The following FRMD4A variants were observed in gnomAD, a reference collection of about 807,000 sequenced individuals.
FRMD4A encodes the protein FERM domain containing 4A.
FRMD4A carries 29 observed loss-of-function variants against 129.1 expected under a neutral mutation model. The observed-to-expected ratio is 0.22, with a 90% CI of 0.17 to 0.31. The LOEUF (loss-of-function observed/expected upper bound fraction) is 0.31, where lower values mean the gene tolerates loss of function less well. FRMD4A is among the 10% of genes least tolerant of loss of function. FRMD4A has a pLI of 1.00. For missense variants in FRMD4A, 1,272 were observed against 1,375.8 expected (o/e 0.92, Z 1.19); for synonymous variants, 634 against 571.6 (o/e 1.11, Z -1.56).
intron 2 of FRMD4A, among the ~76,000 whole-genome samples, chr10:14,180,995 A>G (rs888178882): frequency 6.6e-6 from 1 of 152,216 alleles, no homozygotes; most frequent in Non-Finnish European, 1.5e-5. Flanking sequence ...TCTCGTCTTT[A>G]TGATCTTTTA....
intron 2 of FRMD4A, among the ~76,000 whole-genome samples, chr10:13,959,471 T>TTA (rs2095432305): frequency 1.9e-5 from 1 of 53,110 alleles, no homozygotes; most frequent in African/African-American, 7.7e-5. Flanking sequence ...GACTGTTTCA[T>TTA]AAAAAAAAAA....
chr10:13,813,374 G>A (rs2093481919), intron 3 of FRMD4A, among the ~76,000 whole-genome samples: 1 of 152,190 alleles, frequency 6.6e-6, no homozygotes, highest in Non-Finnish European at 1.5e-5. Context: ...CTGGGAGGTG[G>A]AGGTTGCAGT....
intron 2 of FRMD4A, among the ~76,000 whole-genome samples, chr10:14,305,457 T>C (rs1225944392): frequency 1.3e-5 from 2 of 152,206 alleles, no homozygotes; most frequent in South Asian, 2.1e-4. Flanking sequence ...ATGTAACATA[T>C]ATTGGAATCT....
At chr10:14,118,799 T>C (rs1349060937) in intron 2 of FRMD4A, among the ~76,000 whole-genome samples, 6 of 152,156 alleles carry the variant, frequency 3.9e-5, no homozygotes, top group South Asian at 2.1e-4. Context: ...TTACCTCCCC[T>C]TGGCCCCACC....
rs79725063 is a variant in FRMD4A, at chr10:13,682,541, C to T, written c.1118-7497G>A. Among the ~76,000 whole-genome samples the T allele has an allele frequency of 9.2e-3, 1,252 of 136,680 alleles. 20 individuals carry two copies. The highest frequency in any genetic ancestry group is 0.032 in the African/African-American group (1,173 of 37,066). 89.7% of individuals were successfully genotyped at this position (136,680 alleles called of 152,430 possible). On this transcript the variant is annotated intron_variant, in intron 15 of 24. Transcript: ENST00000357447. ...TTTGAGACAGAGTCTCGCTTTGTCA[C>T]CAAAGCTGGAGTGCAGTGGCCTGAT...
intron 2 of FRMD4A, among the ~76,000 whole-genome samples, chr10:13,876,528 T>G (rs2094490613): frequency 6.6e-6 from 1 of 152,214 alleles, no homozygotes; most frequent in Non-Finnish European, 1.5e-5. Context: ...ATTCACGTGC[T>G]CAGTAACCAA....
rs548728082 is a variant in FRMD4A, at chr10:14,186,734, G to A, written c.45+143324C>T. Among the ~76,000 whole-genome samples the A allele has an allele frequency of 3.3e-5, 5 of 152,230 alleles. No homozygotes were observed. The East Asian group carries it at 7.7e-4, about 24-fold the overall frequency. On this transcript the variant is annotated intron_variant, in intron 2 of 24. Transcript: ENST00000357447. ...ATCAGCCTCTGAGGATGCAGATGTT[G>A]CGCTCAGCCCCAGGATCCCCAGGAG...
At chr10:13,796,881 G>A (rs576330748) in intron 4 of FRMD4A, among the ~76,000 whole-genome samples, 11 of 151,960 alleles carry the variant, frequency 7.2e-5, no homozygotes, top group Non-Finnish European at 7.4e-5. Flanking sequence ...CACCATGCCC[G>A]GCTAATTTTT....
intron 2 of FRMD4A, among the ~76,000 whole-genome samples, chr10:14,224,983 C>G (rs1219376321): frequency 6.6e-6 from 1 of 152,176 alleles, no homozygotes. Flanking sequence ...TGCCCCCTCT[C>G]ATCATGATGT....
At chr10:14,054,315 A>T (rs1480428663) in intron 2 of FRMD4A, among the ~76,000 whole-genome samples, 1 of 152,016 alleles carries the variant, frequency 6.6e-6, no homozygotes, top group East Asian at 1.9e-4. Context: ...GACCCTGGAG[A>T]GGTCACCTCC....
rs2081967791 is a variant in FRMD4A, at chr10:13,654,476, G to A, written c.2990C>T (p.Ser997Leu). 1.2e-6 allele frequency: 2 copies of A among 1,613,908 alleles called. No homozygotes were observed. Among genetic ancestry groups the A allele is most frequent in the Admixed American group, 1.7e-5 (1 of 60,024 alleles). The change falls in exon 23 of 25, where the codon TCA becomes TTA. Residue 997 changes from serine to leucine, a missense_variant. Physicochemically the swap from Ser to Leu is moderately radical, Grantham distance 145. Coordinates refer to ENST00000357447, the MANE Select transcript of FRMD4A (RefSeq NM_018027.5). ...LPQSQRSSTP[S>L]SEIGATPPSS... ...TGGGGGGGTGGCTCCAATTTCACTT[G>A]ACGGTGTCGAGCTTCTCTGGCTTTG...
At chr10:14,150,065 A>C (rs574529011) in intron 2 of FRMD4A, among the ~76,000 whole-genome samples, 1 of 152,138 alleles carries the variant, frequency 6.6e-6, no homozygotes, top group East Asian at 1.9e-4. Flanking sequence ...AATGCTACGT[A>C]CTTTTAAACA....
intron 2 of FRMD4A, among the ~76,000 whole-genome samples, chr10:13,925,629 G>A (rs1236944581): frequency 7.9e-6 from 1 of 126,726 alleles, no homozygotes; most frequent in East Asian, 2.5e-4. Context: ...CGTTGCCCAG[G>A]CTGGAGTGCG....
At chr10:13,840,108 T>G (rs577990933) in intron 3 of FRMD4A, among the ~76,000 whole-genome samples, 2 of 152,346 alleles carry the variant, frequency 1.3e-5, no homozygotes, top group Admixed American at 1.3e-4. Context: ...GACTGAACTA[T>G]GTGCCTTCCT....
intron 19 of FRMD4A, among the ~76,000 whole-genome samples, chr10:13,662,143 C>G (rs1218648520): frequency 6.6e-6 from 1 of 152,230 alleles, no homozygotes; most frequent in African/African-American, 2.4e-5. Context: ...TTTTTCTTCC[C>G]TTTCCAGGGG....
intron 2 of FRMD4A, among the ~76,000 whole-genome samples, chr10:14,288,151 T>C (rs970681166): frequency 6.6e-6 from 1 of 152,150 alleles, no homozygotes; most frequent in Non-Finnish European, 1.5e-5. Context: ...CTTCAAGAAA[T>C]ACAAGTATGA....
chr10:14,266,637 T>G (rs1844990996), intron 2 of FRMD4A, among the ~76,000 whole-genome samples: 1 of 152,150 alleles, frequency 6.6e-6, no homozygotes, highest in African/African-American at 2.4e-5. Flanking sequence ...GAGAACACAT[T>G]CATAAAATAA....
intron 3 of FRMD4A, among the ~76,000 whole-genome samples, chr10:13,830,399 A>G (rs1198259096): frequency 6.6e-6 from 1 of 152,216 alleles, no homozygotes; most frequent in Non-Finnish European, 1.5e-5. Context: ...AGGTGAAAAA[A>G]CAGCAAGCAT....
chr10:13,789,769 ATGTGTGTGTGTG>A (rs57602565), intron 5 of FRMD4A, among the ~76,000 whole-genome samples: 3 of 130,084 alleles, frequency 2.3e-5, no homozygotes, highest in African/African-American at 6.1e-5. Context: ...GCTGCTTATA[ATGTGTGTGTGTG>A]TGTGTGTGTG....
Sources: gnomAD v4.1 joint callset for allele counts (sites outside exome capture counted in the v4.1 genomes callset) on GRCh38, gnomAD v4.1.1 for gene constraint, MANE v1.5 for transcripts, NCBI Gene and HGNC (gene_info 2026-07-23, HGNC 2026-07-21) for gene names.